ZNF410: variants seen among roughly 807,000 people sequenced by gnomAD.
The protein encoded by ZNF410 is zinc finger protein 410.
Under a neutral mutation model 54.8 loss-of-function variants are expected in ZNF410, and 18 were observed. The ratio of observed to expected loss-of-function variants is 0.33; its 90% CI spans 0.23 to 0.49. The LOEUF is 0.49. ZNF410 is among the 20% of genes least tolerant of loss of function. ZNF410 has a pLI of 0.99. For missense variants in ZNF410, 405 were observed against 569.6 expected (o/e 0.71, Z 2.94); for synonymous variants, 191 against 207.3 (o/e 0.92, Z 0.68).
intron 8 of ZNF410, among the ~76,000 whole-genome samples, chr14:73,910,004 C>A (rs2055552694): frequency 6.6e-6 from 1 of 152,150 alleles, no homozygotes; most frequent in Non-Finnish European, 1.5e-5. Context: ...GCAATTCTGT[C>A]AGTTTGCTCA....
rs192375187 is a variant in ZNF410, at chr14:73,915,688, T to C, written c.1004-5292T>C. The C allele has an allele frequency of 1.4e-4, 22 of 152,276 alleles. No individual in the cohort carries two copies. In the East Asian group the frequency reaches 4.0e-3, roughly 28 times the overall value. The allele number at this position is 152,276 out of a possible 1,614,324, so 9.4% of individuals were successfully genotyped here. A position where few individuals can be genotyped will look rare whatever the true frequency, so the allele number is the denominator to read the frequency against. On this transcript the variant is annotated intron_variant, in intron 8 of 11. Coordinates refer to ENST00000555044, the MANE Select transcript of ZNF410 (RefSeq NM_021188.3). ...CTGTAGTTTTTTCATAGATGCCCTT[T>C]ATCAGATGAAGGAATTTACCTTCTC... is the stretch of plus-strand genomic sequence containing the variant.
chr14:73,913,739 G>C, intron 8 of ZNF410: 1 of 152,166 alleles, frequency 6.6e-6, no homozygotes, highest in East Asian at 1.9e-4. Flanking sequence ...CCAGTCCTCA[G>C]TTTCCTGCAA....
intron 7 of ZNF410, 140 bp downstream of exon 7, chr14:73,905,223 C>A: frequency 1.2e-6 from 1 of 822,468 alleles, no homozygotes; most frequent in Non-Finnish European, 1.8e-6. Context: ...ATTTCTTTTT[C>A]AAATGACTTG....
At chr14:73,916,569 A>G (rs1325609751) in intron 8 of ZNF410, 1 of 152,048 alleles carries the variant, frequency 6.6e-6, no homozygotes, top group Non-Finnish European at 1.5e-5. Context: ...TTTCTAACAC[A>G]ACAACAGTTC....
intron 11 of ZNF410, among the ~76,000 whole-genome samples, chr14:73,930,662 G>C (rs1412333132): frequency 6.6e-6 from 1 of 151,318 alleles, no homozygotes; most frequent in Admixed American, 6.6e-5. Context: ...CAGTGCAGTG[G>C]CATGATCATA....
At chr14:73,904,868 T>A in intron 6 of ZNF410, 34 bp from the exon 7 acceptor site, 1 of 1,606,270 alleles carries the variant, frequency 6.2e-7, no homozygotes, top group Non-Finnish European at 8.5e-7. Context: ...AAGAGTGTTT[T>A]CAGATATTTT....
chr14:73,898,254 G>T lies in ZNF410; in HGVS notation c.572G>T (p.Ser191Ile). ...RAQLAKNAKT[S>I]SNGENVHLGS... ...CAACTGGCAAAGAATGCAAAAACCA[G>T]CAGCAATGGTGAGGCCCGTCGGCAT... Residue 191 changes from serine (S) to isoleucine (I), a missense_variant, in exon 5 of 12, where the codon AGC becomes ATC. Physicochemically the swap from Ser to Ile is moderately radical, Grantham distance 142 (BLOSUM62 -2). Coordinates refer to ENST00000555044, the MANE Select transcript of ZNF410 (RefSeq NM_021188.3). 6.2e-7 allele frequency: 1 copy of T among 1,614,138 alleles called. No homozygotes were observed. Among genetic ancestry groups the T allele is most frequent in the South Asian group, 1.1e-5 (1 of 91,082 alleles).
At chr14:73,915,870 G>A (rs1189814609) in intron 8 of ZNF410, 1 of 152,106 alleles carries the variant, frequency 6.6e-6, no homozygotes, top group African/African-American at 2.4e-5. Context: ...GTGTTTCTAG[G>A]GTAAATCCCA....
intron 8 of ZNF410, among the ~76,000 whole-genome samples, chr14:73,912,722 A>G (rs957401985): frequency 6.6e-6 from 1 of 152,140 alleles, no homozygotes; most frequent in Admixed American, 6.5e-5. Context: ...TGCTCTAGTT[A>G]CTTCTAGTAT....
At chr14:73,931,197 G>A (rs551883074) in intron 11 of ZNF410, among the ~76,000 whole-genome samples, 15 of 152,102 alleles carry the variant, frequency 9.9e-5, no homozygotes, top group Non-Finnish European at 1.6e-4. Context: ...TGTTTTCCCT[G>A]TAAGTTAGAG....
At position 73,931,588 on chromosome 14, in the gene ZNF410, T is replaced by G. The variant is rs1351080723; in HGVS notation, c.*47T>G. 1.3e-6 allele frequency: 2 copies of G among 1,575,754 alleles called. No homozygotes were observed. Among genetic ancestry groups the G allele is most frequent in the East Asian group, 2.2e-5 (1 of 44,556 alleles). On this transcript the variant is annotated 3_prime_UTR_variant, in exon 12 of 12. Coordinates refer to ENST00000555044, the MANE Select transcript of ZNF410 (RefSeq NM_021188.3). ...AGAGCAACTCTATCTGATCTCAAAA[T>G]GCGTATACTGGGAACAGGATGCCTT...
At chr14:73,902,409 T>G (rs1332134161) in intron 5 of ZNF410, among the ~76,000 whole-genome samples, 1 of 152,014 alleles carries the variant, frequency 6.6e-6, no homozygotes, top group Non-Finnish European at 1.5e-5. Context: ...TTAAAAACCT[T>G]GGGGCAATAT....
intron 8 of ZNF410, chr14:73,920,055 G>A (rs893440143): frequency 3.9e-5 from 6 of 152,006 alleles, no homozygotes; most frequent in Non-Finnish European, 7.4e-5. Context: ...TTTTGCTGCT[G>A]TAATTTTGGG....
At chr14:73,909,624 A>C in intron 8 of ZNF410, 194 bp downstream of exon 8, 1 of 497,452 alleles carries the variant, frequency 2.0e-6, no homozygotes, top group East Asian at 3.3e-5. Context: ...GGGACATCTA[A>C]TTATTATTTT....
intron 11 of ZNF410, among the ~76,000 whole-genome samples, chr14:73,925,437 T>C (rs1457441554): frequency 6.6e-6 from 1 of 151,978 alleles, no homozygotes; most frequent in African/African-American, 2.4e-5. Context: ...CTTTGACTTT[T>C]TTTTTTTTTT....
intron 11 of ZNF410, 32 bp from the exon 12 acceptor site, chr14:73,931,471 C>G (rs1455921954): frequency 6.3e-7 from 1 of 1,587,342 alleles, no homozygotes; most frequent in East Asian, 2.2e-5. Flanking sequence ...TCAACTGTAA[C>G]CTATTCTAGA....
chr14:73,911,468 G>A (rs112065604), intron 8 of ZNF410, among the ~76,000 whole-genome samples: 69 of 152,332 alleles, frequency 4.5e-4, no homozygotes, highest in Non-Finnish European at 9.4e-4. Context: ...TGAGATCTTA[G>A]AAGTAGAGCA....
At position 73,886,899 on chromosome 14, in the gene ZNF410, C is replaced by T. The variant is rs989762924; in HGVS notation, c.-166C>T. ...TCGGGACCGACTGACGGCCGGCCGG[C>T]TTCCCGGAACTGGAAGGTGAGCTCC... On this transcript the variant is annotated 5_prime_UTR_variant, in exon 1 of 12. Transcript: ENST00000555044. 1 of 152,840 alleles carries T rather than the reference C, an allele frequency of 6.5e-6. No individual in the cohort carries two copies. The highest frequency in any genetic ancestry group is 2.4e-5 in the African/African-American group (1 of 41,482). The allele number at this position is 152,840 out of a possible 1,614,324, so 9.5% of individuals were successfully genotyped here.
intron 7 of ZNF410, among the ~76,000 whole-genome samples, chr14:73,908,299 T>G (rs999023141): frequency 2.6e-5 from 4 of 152,236 alleles, no homozygotes; most frequent in African/African-American, 9.6e-5. Flanking sequence ...TTATGTAGAA[T>G]CTTTTTCTAA....
Sources: allele counts gnomAD v4.1 joint callset (sites outside exome capture counted in the v4.1 genomes callset), GRCh38; gene constraint gnomAD v4.1.1; transcripts MANE v1.5; gene names NCBI Gene and HGNC (gene_info 2026-07-23, HGNC 2026-07-21).